The following FUT9 variants were observed in gnomAD, a reference collection of about 807,000 sequenced individuals.
FUT9 encodes the protein fucosyltransferase 9.
Under a neutral mutation model 29.7 loss-of-function variants are expected in FUT9, and 15 were observed. The ratio of observed to expected loss-of-function variants is 0.51; its 90% CI spans 0.34 to 0.78. The LOEUF (loss-of-function observed/expected upper bound fraction) is 0.78, where lower values mean the gene tolerates loss of function less well. Ranked by LOEUF, FUT9 falls within the 30% of genes least tolerant of loss-of-function variation. The pLI is 0.01. For missense variants in FUT9, 319 were observed against 425.4 expected (o/e 0.75, Z 2.20); for synonymous variants, 169 against 153.7 (o/e 1.10, Z -0.74).
At chr6:96,187,494 T>C (rs1773425831) in intron 2 of FUT9, among the ~76,000 whole-genome samples, 1 of 152,130 alleles carries the variant, frequency 6.6e-6, no homozygotes, top group Non-Finnish European at 1.5e-5. Context: ...GGGTGCAGAC[T>C]GTAATTCCTA....
chr6:96,071,032 T>C (rs1453668144), intron 1 of FUT9, among the ~76,000 whole-genome samples: 1 of 152,228 alleles, frequency 6.6e-6, no homozygotes, highest in Admixed American at 6.5e-5. Flanking sequence ...CAAAATGAGT[T>C]GATGAAAAGT....
chr6:96,142,363 G>T (rs1317575545), intron 2 of FUT9, among the ~76,000 whole-genome samples: 3 of 152,172 alleles, frequency 2.0e-5, no homozygotes, highest in African/African-American at 7.2e-5. Flanking sequence ...ATGAATACTG[G>T]TCTGGGCCAG....
At chr6:96,190,278 T>C (rs1562158553) in intron 2 of FUT9, among the ~76,000 whole-genome samples, 2 of 152,218 alleles carry the variant, frequency 1.3e-5, no homozygotes, top group Non-Finnish European at 2.9e-5. Context: ...AGAGATCAGC[T>C]GTTAGTCAGA....
At chr6:96,184,491 G>T (rs1773369280) in intron 2 of FUT9, among the ~76,000 whole-genome samples, 1 of 151,574 alleles carries the variant, frequency 6.6e-6, no homozygotes, top group East Asian at 1.9e-4. Context: ...TTCTTCTTCT[G>T]GGTTTGGGTT....
At chr6:96,156,416 G>A (rs936608646) in intron 2 of FUT9, among the ~76,000 whole-genome samples, 2 of 152,132 alleles carry the variant, frequency 1.3e-5, no homozygotes, top group South Asian at 2.1e-4. Flanking sequence ...AGAGTGAGTG[G>A]AGTAGAATGT....
At chr6:96,195,814 T>C (rs1172353739) in intron 2 of FUT9, among the ~76,000 whole-genome samples, 1 of 152,156 alleles carries the variant, frequency 6.6e-6, no homozygotes, top group Non-Finnish European at 1.5e-5. Context: ...TAAGCATTCA[T>C]GTAGTATTCA....
chr6:96,157,803 A>AT (rs977145800), intron 2 of FUT9, among the ~76,000 whole-genome samples: 64 of 152,102 alleles, frequency 4.2e-4, no homozygotes, highest in African/African-American at 1.2e-3. Context: ...ACTGCCTTGC[A>AT]TTTTTTTCTC....
chr6:96,202,200 T>C (rs1225271285), intron 2 of FUT9, among the ~76,000 whole-genome samples: 4 of 152,034 alleles, frequency 2.6e-5, no homozygotes, highest in Admixed American at 6.6e-5. Flanking sequence ...GAAAAAAACT[T>C]GAAAACACTT....
intron 1 of FUT9, among the ~76,000 whole-genome samples, chr6:96,075,571 T>G (rs1280641501): frequency 6.6e-6 from 1 of 152,210 alleles, no homozygotes; most frequent in Non-Finnish European, 1.5e-5. Flanking sequence ...TCCTTAACTT[T>G]TAATAATTCA....
At chr6:96,047,684 A>T (rs1462475788) in intron 1 of FUT9, among the ~76,000 whole-genome samples, 1 of 152,158 alleles carries the variant, frequency 6.6e-6, no homozygotes, top group Non-Finnish European at 1.5e-5. Flanking sequence ...CCCTGACACC[A>T]CTATAAGAAT....
At position 96,215,303 on chromosome 6, in the gene FUT9, T is replaced by A. The variant is rs1774016810; in HGVS notation, c.*11068T>A. The A allele has an allele frequency of 6.0e-6, 1 of 167,036 alleles. No homozygotes were observed. Among genetic ancestry groups the A allele is most frequent in the African/African-American group, 2.4e-5 (1 of 41,448 alleles). 10.3% of individuals were successfully genotyped at this position (167,036 alleles called of 1,614,324 possible). ...CTGTCACAACATGGATTCCTTCTCA[T>A]GGATGTCTTTCTAGGCTTATAAATA... On this transcript the variant is annotated 3_prime_UTR_variant, in exon 3 of 3. Coordinates refer to ENST00000302103, the MANE Select transcript of FUT9 (RefSeq NM_006581.4).
chr6:96,111,289 T>C (rs1022763821), intron 1 of FUT9, among the ~76,000 whole-genome samples: 1 of 152,094 alleles, frequency 6.6e-6, no homozygotes, highest in Non-Finnish European at 1.5e-5. Flanking sequence ...GCCTTATCAT[T>C]GTAGGCAGAA....
At chr6:96,126,572 A>G (rs2127967185) in intron 2 of FUT9, among the ~76,000 whole-genome samples, 1 of 152,368 alleles carries the variant, frequency 6.6e-6, no homozygotes, top group Admixed American at 6.5e-5. Flanking sequence ...CTGTAGATCC[A>G]GGACATATTG....
At chr6:96,150,870 T>G (rs771709394) in intron 2 of FUT9, among the ~76,000 whole-genome samples, 34 of 152,206 alleles carry the variant, frequency 2.2e-4, no homozygotes, top group Non-Finnish European at 4.0e-4. Flanking sequence ...GTAAGGGCAA[T>G]ATAACACTCT....
Position 96,212,284 on chromosome 6 carries a change from A to G in FUT9, c.*8049A>G, listed in dbSNP as rs930426292. On this transcript the variant is annotated 3_prime_UTR_variant, in exon 3 of 3. Coordinates refer to ENST00000302103, the MANE Select transcript of FUT9 (RefSeq NM_006581.4). ...TCCTTGTCCAAGGTGAGATTGCCAG[A>G]GGATATGAGCTCATCTAGGATGGAA... The G allele has an allele frequency of 1.2e-5, 5 of 412,634 alleles. No individual in the cohort carries two copies. The highest frequency in any genetic ancestry group is 4.1e-5 in the African/African-American group (2 of 48,572). 25.6% of individuals were successfully genotyped at this position (412,634 alleles called of 1,614,324 possible). A position where few individuals can be genotyped will look rare whatever the true frequency, so the allele number is the denominator to read the frequency against.
chr6:96,091,760 C>T lies in FUT9; in HGVS notation c.-97-22279C>T, dbSNP rs1306930022. ...GGGTTTGTAGGTGATCTTTGCAATA[C>T]TGCTGCAATCTCCTCATCAATTTGG... On this transcript the variant is annotated intron_variant, in intron 1 of 2. Coordinates refer to ENST00000302103, the MANE Select transcript of FUT9 (RefSeq NM_006581.4). Among the ~76,000 whole-genome samples, 4 of 152,016 alleles carry T rather than the reference C, an allele frequency of 2.6e-5. No homozygotes were observed. In the South Asian group the frequency reaches 8.3e-4, roughly 31 times the overall value.
chr6:96,188,643 A>ATGTG (rs34635425), intron 2 of FUT9, among the ~76,000 whole-genome samples: 69 of 146,862 alleles, frequency 4.7e-4, no homozygotes, highest in Non-Finnish European at 7.7e-4. Flanking sequence ...ATATATATAT[A>ATGTG]TGTGTGTGTG....
intron 2 of FUT9, among the ~76,000 whole-genome samples, chr6:96,176,172 C>A (rs1034940290): frequency 1.3e-5 from 2 of 152,126 alleles, no homozygotes; most frequent in African/African-American, 4.8e-5. Context: ...TCAGGCTTTG[C>A]ACTTGGACCG....
chr6:96,169,000 G>A (rs1773063622), intron 2 of FUT9, among the ~76,000 whole-genome samples: 1 of 152,148 alleles, frequency 6.6e-6, no homozygotes, highest in East Asian at 1.9e-4. Context: ...ACAGAAGGGA[G>A]TAGAAGCATA....
Sources: gnomAD v4.1 joint callset for allele counts (sites outside exome capture counted in the v4.1 genomes callset) on GRCh38, gnomAD v4.1.1 for gene constraint, MANE v1.5 for transcripts, NCBI Gene and HGNC (gene_info 2026-07-23, HGNC 2026-07-21) for gene names.